The following POLA1 variants were observed in gnomAD, a reference collection of about 807,000 sequenced individuals.
POLA1 encodes DNA polymerase alpha 1, catalytic subunit, also known as DNA polymerase alpha catalytic subunit.
A neutral mutation model predicts 124.0 loss-of-function variants in POLA1; 15 were observed. The observed-to-expected ratio is 0.12, with a 90% confidence interval of 0.08 to 0.19. The LOEUF (loss-of-function observed/expected upper bound fraction) is 0.19. Among genes scored for constraint, POLA1 ranks in the 10% least tolerant of loss-of-function variants. POLA1 has a pLI of 1.00. For missense variants in POLA1, 886 were observed against 1,103.4 expected (o/e 0.80, Z 2.79); for synonymous variants, 408 against 389.4 (o/e 1.05, Z -0.56).
chrX:24,983,235 C>A, intron 36 of POLA1, among the ~76,000 whole-genome samples: 1 of 112,204 alleles, frequency 8.9e-6, no homozygotes, highest in Non-Finnish European at 1.9e-5. Context: ...AGTAGGCACT[C>A]AGTAAATATT....
At chrX:24,995,670 G>A (rs1601941326) in intron 36 of POLA1, 135 bp from the exon 37 acceptor site, 7 of 543,668 alleles carry the variant, frequency 1.3e-5, no homozygotes, top group African/African-American at 7.0e-5. Flanking sequence ...GGCTGCATCT[G>A]ACTGGCCCCA....
At chrX:24,868,122 C>G (rs1321965164) in intron 34 of POLA1, among the ~76,000 whole-genome samples, 1 of 111,941 alleles carries the variant, frequency 8.9e-6, no homozygotes, top group Non-Finnish European at 1.9e-5. Context: ...GAATTATGAA[C>G]ATAATGGCAG....
At chrX:24,950,097 G>A (rs1239407626) in intron 36 of POLA1, among the ~76,000 whole-genome samples, 1 of 112,179 alleles carries the variant, frequency 8.9e-6, no homozygotes, top group Non-Finnish European at 1.9e-5. Flanking sequence ...ATCTCTGGGA[G>A]TAGGATAACA....
chrX:24,725,863 A>G (rs1291316660), intron 12 of POLA1, 118 bp from the exon 13 acceptor site: 4 of 493,351 alleles, frequency 8.1e-6, no homozygotes, highest in South Asian at 8.2e-5. Flanking sequence ...TTTTGGCTTC[A>G]TTTACCTTTG....
intron 35 of POLA1, among the ~76,000 whole-genome samples, chrX:24,911,162 G>A (rs2047443939): frequency 8.9e-6 from 1 of 112,047 alleles, no homozygotes; most frequent in South Asian, 3.7e-4. Flanking sequence ...AAGGAAGATT[G>A]GAAAGTATTT....
intron 34 of POLA1, among the ~76,000 whole-genome samples, chrX:24,885,826 T>C (rs911263718): frequency 3.6e-5 from 4 of 112,341 alleles, no homozygotes; most frequent in African/African-American, 1.3e-4. Context: ...GCCCGGCCAG[T>C]ATCTTGTTTC....
chrX:24,850,003 C>T (rs1186899494), intron 34 of POLA1, among the ~76,000 whole-genome samples: 1 of 111,349 alleles, frequency 9.0e-6, no homozygotes, highest in East Asian at 2.8e-4. Context: ...GAACCCCTGG[C>T]CTCCAGCAAT....
chrX:24,943,210 A>C (rs1188794160), intron 36 of POLA1, among the ~76,000 whole-genome samples: 2 of 112,816 alleles, frequency 1.8e-5, no homozygotes, highest in African/African-American at 6.4e-5. Context: ...TTATCTTAAA[A>C]CAGACGTCTT....
In POLA1 at chrX:24,885,854, G is replaced by A. The variant is rs948780681; in HGVS notation, c.4048-2152G>A. 1.6e-4 allele frequency among the ~76,000 whole-genome samples: 18 copies of A among 112,352 alleles called. No individual in the cohort carries two copies. In the South Asian group the frequency reaches 4.1e-3, roughly 25 times the overall value. The stretch of plus-strand genomic sequence containing the variant: ...CTTGTTTCTTTAATTCTAAGGAGCT[G>A]ATTGTGAGCTGCACTCTTGACTTAA... On this transcript the variant is annotated intron_variant, in intron 34 of 36. Transcript: ENST00000379068.
rs1382895966 is a variant in POLA1 at position 24,888,052 on chromosome X, A to G, written c.4094A>G (p.His1365Arg). 12 of 1,209,185 alleles carry G rather than the reference A, an allele frequency of 9.9e-6. No homozygotes were observed. Among genetic ancestry groups the G allele is most frequent in the Non-Finnish European group, 1.2e-5 (11 of 893,579 alleles). Reference sequence around the variant, plus strand: ...CCAACCTGTCGCAATCGAACTCGTCACCTTCCCCTTCAATTCTCCCGAACT... The same window carrying G: ...CCAACCTGTCGCAATCGAACTCGTCGCCTTCCCCTTCAATTCTCCCGAACT... ...EEPTCRNRTR[H>R]LPLQFSRTGP... The change falls in exon 35 of 37, where the codon CAC (histidine) becomes CGC (arginine). Residue 1365 changes from histidine (H) to arginine (R), a missense_variant. Coordinates refer to ENST00000379068, the MANE Select transcript of POLA1 (RefSeq NM_001330360.2).
chrX:24,913,829 A>G (rs779518925), intron 35 of POLA1, among the ~76,000 whole-genome samples: 2 of 109,995 alleles, frequency 1.8e-5, no homozygotes, highest in African/African-American at 3.3e-5. Flanking sequence ...GGAGTTCGAG[A>G]CCAACGTGGC....
At chrX:24,764,160 A>G (rs972273107) in intron 26 of POLA1, among the ~76,000 whole-genome samples, 31 of 111,993 alleles carry the variant, frequency 2.8e-4, no homozygotes, top group Non-Finnish European at 5.6e-5. Context: ...AAATGAGATA[A>G]TGTGTGTTAA....
intron 4 of POLA1, among the ~76,000 whole-genome samples, chrX:24,713,010 G>A (rs6628029): frequency 0.45 from 49,224 of 109,887 alleles, 8,879 homozygotes; most frequent in East Asian, 0.67. Flanking sequence ...AGGCTGGAGC[G>A]CTGGAGTGCA....
At chrX:24,814,957 G>GTTTTTTTTTT (rs749255466) in intron 29 of POLA1, 22 bp from the exon 30 acceptor site, 16 of 857,397 alleles carry the variant, frequency 1.9e-5, no homozygotes, top group Admixed American at 4.6e-5. Flanking sequence ...TCTTTGTTTT[G>GTTTTTTTTTT]TTTTTTTTTT....
chrX:24,954,023 G>A (rs1161015415), intron 36 of POLA1, among the ~76,000 whole-genome samples: 1 of 111,588 alleles, frequency 9.0e-6, no homozygotes, highest in Non-Finnish European at 1.9e-5. Context: ...AGTAGGGATG[G>A]GGATAAAGAA....
At chrX:24,981,884 A>T (rs1430569860) in intron 36 of POLA1, among the ~76,000 whole-genome samples, 1 of 112,285 alleles carries the variant, frequency 8.9e-6, no homozygotes, top group African/African-American at 3.2e-5. Flanking sequence ...TTGTTCTGCT[A>T]TTACTAATGC....
At chrX:24,779,646 T>G (rs2045219577) in intron 26 of POLA1, among the ~76,000 whole-genome samples, 1 of 111,870 alleles carries the variant, frequency 8.9e-6, no homozygotes, top group African/African-American at 3.3e-5. Context: ...GAGCCAGGAT[T>G]TAATGCATAA....
intron 11 of POLA1, 95 bp from the exon 12 acceptor site, chrX:24,724,240 G>T: frequency 2.1e-6 from 1 of 470,737 alleles, no homozygotes. Flanking sequence ...GGGTGAGGAT[G>T]AAAATTGATA....
At chrX:24,728,129 CTTATTT>C (rs1200884671) in intron 15 of POLA1, among the ~76,000 whole-genome samples, 193 bp downstream of exon 15, 3 of 112,441 alleles carry the variant, frequency 2.7e-5, no homozygotes, top group African/African-American at 6.5e-5. Context: ...AATTGCTGAA[CTTATTT>C]TTATTTTTGT....
Sources: allele counts gnomAD v4.1 joint callset (sites outside exome capture counted in the v4.1 genomes callset), GRCh38; gene constraint gnomAD v4.1.1; transcripts MANE v1.5; gene names NCBI Gene and HGNC (gene_info 2026-07-23, HGNC 2026-07-21).